DOT1L: variants seen among roughly 807,000 people sequenced by gnomAD.
DOT1L encodes DOT1 like histone lysine methyltransferase.
DOT1L carries 33 observed loss-of-function variants against 153.3 expected under a neutral mutation model. The observed-to-expected ratio is 0.22, with a 90% CI of 0.16 to 0.29. The LOEUF is 0.29. DOT1L is among the 10% of genes least tolerant of loss of function. The probability of loss-of-function intolerance (pLI) is 1.00; values close to 1 mark genes in which losing one functional copy is unlikely to be tolerated. For missense variants in DOT1L, 1,847 were observed against 2,119.9 expected (o/e 0.87, Z 2.53); for synonymous variants, 1,135 against 965.1 (o/e 1.18, Z -3.26).
In DOT1L at chr19:2,226,736, G is replaced by A. The variant is rs2024350397; in HGVS notation, c.4215G>A (p.Leu1405=). The A allele has an allele frequency of 6.4e-7, 1 of 1,558,388 alleles. No individual in the cohort carries two copies. The highest frequency in any genetic ancestry group is 2.3e-5 in the East Asian group (1 of 43,882). The change falls in exon 27 of 28, where the codon CTG becomes CTA. Residue 1405 remains leucine (L), a synonymous_variant. Transcript: ENST00000398665. ...GCGGGCCCACGGACAAGACCCCACT[G>A]CTGAGCGGCAAGGCCGCCAAGGCCC... The part of the protein sequence containing the change: ...PLCGPTDKTP[L]LSGKAAKARD...
chr19:2,210,450 C>T lies in DOT1L; in HGVS notation c.1056C>T (p.Asn352=), dbSNP rs1051005727. Residue 352 remains asparagine, a synonymous_variant, in exon 13 of 28, where the codon AAC becomes AAT. Transcript: ENST00000398665. ...GCCAGCAGCGCGAGAGCAAGAGCAA[C>T]GCGGCCACGCCCACTAAGGGCCCAG... The part of the protein sequence containing the change: ...RRRQQRESKS[N]AATPTKGPEG... 8.2e-6 allele frequency: 13 copies of T among 1,578,638 alleles called. No individual in the cohort carries two copies. Among genetic ancestry groups the T allele is most frequent in the East Asian group, 4.6e-5 (2 of 43,238 alleles).
chr19:2,218,600 A>C lies in DOT1L; in HGVS notation c.2691+682A>C, dbSNP rs767846130. On this transcript the variant is annotated intron_variant, in intron 22 of 27. Coordinates refer to ENST00000398665, the MANE Select transcript of DOT1L (RefSeq NM_032482.3). ...AGTAGAGATGGGGTTTCACCGTGTT[A>C]GCCAGGATGGTCTTGATCTCCTGAC... is the stretch of plus-strand genomic sequence containing the variant. 7.3e-5 allele frequency among the ~76,000 whole-genome samples: 11 copies of C among 151,584 alleles called. No homozygotes were observed. In the East Asian group the frequency reaches 2.2e-3, roughly 30 times the overall value.
Position 2,229,928 on chromosome 19 carries a change from TCGG to T in DOT1L, c.*141_*143del. The T allele has an allele frequency of 6.7e-7, 1 of 1,502,170 alleles. No homozygotes were observed. The highest frequency in any genetic ancestry group is 9.2e-7 in the Non-Finnish European group (1 of 1,090,732). 93.1% of individuals were successfully genotyped at this position (1,502,170 alleles called of 1,614,324 possible). On this transcript the variant is annotated 3_prime_UTR_variant, in exon 28 of 28. Coordinates refer to ENST00000398665, the MANE Select transcript of DOT1L (RefSeq NM_032482.3). The stretch of plus-strand genomic sequence containing the variant: ...GGACGGACGGGAGCTCCACTGTGAA[TCGG>T]CGGCACGCGCCGCAGGAGGCTGGGA...
At chr19:2,198,471 G>A (rs112657376) in intron 7 of DOT1L, among the ~76,000 whole-genome samples, 19 of 152,328 alleles carry the variant, frequency 1.2e-4, no homozygotes, top group African/African-American at 4.6e-4. Context: ...GGGTGGACGA[G>A]TGGCCCTGTC....
intron 23 of DOT1L, 96 bp from the exon 24 acceptor site, chr19:2,221,880 G>A: frequency 1.6e-6 from 2 of 1,272,156 alleles, no homozygotes. Context: ...CGCCTCTCCT[G>A]GAGCCCACAG....
chr19:2,211,699 C>T, intron 15 of DOT1L, 52 bp from the exon 16 acceptor site: 1 of 1,479,836 alleles, frequency 6.8e-7, no homozygotes, highest in South Asian at 1.2e-5. Context: ...CCACCTCTTC[C>T]CTCTCAGTCT....
In DOT1L at chr19:2,191,872, C is replaced by T. The variant is rs536747763; in HGVS notation, c.493+632C>T. Among the ~76,000 whole-genome samples, 4 of 152,294 alleles carry T rather than the reference C, an allele frequency of 2.6e-5. No homozygotes were observed. In the East Asian group the frequency reaches 5.8e-4, roughly 22 times the overall value. Reference sequence around the variant, plus strand: ...GGTGTCGTCTCCTCTCAACCACGGGCGGGGCTCCTTGAAACGAGGCCCTAG... The same window carrying T: ...GGTGTCGTCTCCTCTCAACCACGGGTGGGGCTCCTTGAAACGAGGCCCTAG... On this transcript the variant is annotated intron_variant, in intron 5 of 27. Transcript: ENST00000398665. The surrounding 1 kb of genome is among the most constrained non-coding windows in gnomAD (Gnocchi z 6.8).
intron 1 of DOT1L, among the ~76,000 whole-genome samples, chr19:2,167,918 A>G (rs918371823): frequency 6.6e-6 from 1 of 151,780 alleles, no homozygotes; most frequent in Non-Finnish European, 1.5e-5. Flanking sequence ...TATTTTTAGT[A>G]GAGACAGGGT....
Position 2,224,625 on chromosome 19 carries a change from G to A in DOT1L, c.3597-763G>A, listed in dbSNP as rs60422777. Among the ~76,000 whole-genome samples the A allele has an allele frequency of 6.0e-3, 908 of 152,014 alleles. 4 individuals carry two copies. Among genetic ancestry groups the A allele is most frequent in the African/African-American group, 0.021 (851 of 41,436 alleles). On this transcript the variant is annotated intron_variant, in intron 25 of 27. Transcript: ENST00000398665. ...GTGTCTACAGGCACACGCTACCACC[G>A]TGCCTCGTTCGTTTTTTTGTTTTAT...
chr19:2,189,017 G>A (rs1418347146), intron 3 of DOT1L, among the ~76,000 whole-genome samples: 3 of 152,236 alleles, frequency 2.0e-5, no homozygotes, highest in Admixed American at 6.5e-5. Context: ...AGGTAATGAG[G>A]GTTTGCCTTG....
chr19:2,219,799 C>T (rs1005498202), intron 22 of DOT1L, among the ~76,000 whole-genome samples: 15 of 152,190 alleles, frequency 9.9e-5, no homozygotes, highest in African/African-American at 1.7e-4. Context: ...CCGGTGAGGG[C>T]GGGCTGTGGG....
rs187055477 is a variant in DOT1L at position 2,179,041 on chromosome 19, T to A, written c.82-1672T>A. Among the ~76,000 whole-genome samples, 77 of 152,122 alleles carry A rather than the reference T, an allele frequency of 5.1e-4. 2 individuals are homozygous for A. Among genetic ancestry groups the A allele is most frequent in the African/African-American group, 1.8e-3 (74 of 41,442 alleles). On this transcript the variant is annotated intron_variant, in intron 1 of 27. Coordinates refer to ENST00000398665, the MANE Select transcript of DOT1L (RefSeq NM_032482.3). Reference sequence around the variant, plus strand: ...GCCCTTGTGTCTCCTGTCTCCCCTATCTAGGCTGATCCCTCAGTGCATAAG... The same window carrying A: ...GCCCTTGTGTCTCCTGTCTCCCCTAACTAGGCTGATCCCTCAGTGCATAAG...
chr19:2,198,866 G>A (rs1351372767), intron 7 of DOT1L, among the ~76,000 whole-genome samples: 2 of 152,192 alleles, frequency 1.3e-5, no homozygotes, highest in Non-Finnish European at 2.9e-5. Context: ...GTGCATCCGC[G>A]ATGTGGCCTG....
intron 8 of DOT1L, 100 bp downstream of exon 8, chr19:2,200,039 C>G (rs1041424703): frequency 1.9e-5 from 28 of 1,459,936 alleles, no homozygotes; most frequent in African/African-American, 1.4e-5. Flanking sequence ...CGCTCCTGTG[C>G]TGGCTGTGGC....
chr19:2,167,824 C>T (rs1409546518), intron 1 of DOT1L, among the ~76,000 whole-genome samples: 1 of 151,644 alleles, frequency 6.6e-6, no homozygotes, highest in Admixed American at 6.6e-5. Flanking sequence ...CAAGCTCCGC[C>T]TCCCAGGTTT....
intron 1 of DOT1L, among the ~76,000 whole-genome samples, chr19:2,177,698 C>T (rs1004978256): frequency 9.9e-5 from 15 of 152,142 alleles, no homozygotes; most frequent in African/African-American, 2.9e-4. Context: ...CCTGCTCCCT[C>T]GCCAACCCTC....
At position 2,213,873 on chromosome 19, in the gene DOT1L, A is replaced by G; in HGVS notation, c.1684A>G (p.Asn562Asp). 5 of 1,613,116 alleles carry G rather than the reference A, an allele frequency of 3.1e-6. No homozygotes were observed. The highest frequency in any genetic ancestry group is 4.2e-6 in the Non-Finnish European group (5 of 1,180,026). Reference sequence around the variant, plus strand: ...GCTGGGTGTGAAGGCGCTGACCTACAACGACCTGATTCAAGCGCAGAAGGA... The same window carrying G: ...GCTGGGTGTGAAGGCGCTGACCTACGACGACCTGATTCAAGCGCAGAAGGA... Reference protein sequence around the residue: ...DELGVKALTYNDLIQAQKEIS... With the variant: ...DELGVKALTYDDLIQAQKEIS... The change falls in exon 18 of 28, where the codon AAC becomes GAC. Residue 562 changes from asparagine to aspartate, a missense_variant. By Grantham distance (23) the Asn-to-Asp change is conservative. Transcript: ENST00000398665.
chr19:2,164,369 G>A (rs1034259741), intron 1 of DOT1L, 104 bp downstream of exon 1: 2 of 744,808 alleles, frequency 2.7e-6, no homozygotes, highest in Non-Finnish European at 3.6e-6. Context: ...TCCCCCCTGC[G>A]GAACGGAGAC....
chr19:2,220,002 G>A lies in DOT1L; in HGVS notation c.2692-106G>A, dbSNP rs916672096. On this transcript the variant is annotated intron_variant, in intron 22 of 27. Coordinates refer to ENST00000398665, the MANE Select transcript of DOT1L (RefSeq NM_032482.3). This position sits in a 1 kb window ranked among gnomAD's most constrained non-coding sequence, Gnocchi z 4.5. ...CGCGGTACTGGACGGTGACCCCGGCGGCCTCCCCCAGCCAGCTGCAGGCCT... is the reference window on the plus strand; with the variant it reads ...CGCGGTACTGGACGGTGACCCCGGCAGCCTCCCCCAGCCAGCTGCAGGCCT... 9.8e-6 allele frequency: 10 copies of A among 1,021,318 alleles called. No homozygotes were observed. Among genetic ancestry groups the A allele is most frequent in the East Asian group, 2.5e-5 (1 of 39,288 alleles). The allele number at this position is 1,021,318 out of a possible 1,614,324, so 63.3% of individuals were successfully genotyped here.
Sources: allele counts gnomAD v4.1 joint callset (sites outside exome capture counted in the v4.1 genomes callset), GRCh38; gene constraint gnomAD v4.1.1; non-coding constraint Gnocchi (gnomAD v3.1); transcripts MANE v1.5; gene names NCBI Gene and HGNC (gene_info 2026-07-23, HGNC 2026-07-21).